Variants in MGAT5B observed in about 807,000 individuals in gnomAD.
The protein encoded by MGAT5B is N-acetylglucosaminyl-transferase Vb.
Under a neutral mutation model 95.1 loss-of-function variants are expected in MGAT5B, and 54 were observed. The ratio of observed to expected loss-of-function variants is 0.57; its 90% CI spans 0.46 to 0.71. The LOEUF (loss-of-function observed/expected upper bound fraction) is 0.71, where lower values mean the gene tolerates loss of function less well. Ranked by LOEUF, MGAT5B falls within the 30% of genes least tolerant of loss-of-function variation. The pLI, the probability that MGAT5B is intolerant of heterozygous loss-of-function variation, is 0.00. For synonymous variants in MGAT5B, 464 were observed against 451.0 expected, an observed-to-expected ratio of 1.03 and a Z score of -0.36; for missense variants, 935 against 1,088.6, an observed-to-expected ratio of 0.86 and a Z score of 1.99.
At chr17:76,922,227 A>T (rs1175561479) in intron 8 of MGAT5B, among the ~76,000 whole-genome samples, 1 of 152,232 alleles carries the variant, frequency 6.6e-6, no homozygotes, top group Non-Finnish European at 1.5e-5. Context: ...TGGTGCAGGT[A>T]GCAGCTCCTA....
At position 76,937,887 on chromosome 17, in the gene MGAT5B, G is replaced by A. The variant is rs1425789794; in HGVS notation, c.1429-101G>A. 5.7e-5 allele frequency: 81 copies of A among 1,430,294 alleles called. 1 individual carries two copies. The South Asian group carries it at 9.1e-4, about 16-fold the overall frequency. The allele number at this position is 1,430,294 out of a possible 1,614,324, so 88.6% of individuals were successfully genotyped here. On this transcript the variant is annotated intron_variant, in intron 12 of 17. Transcript: ENST00000569840. ...GCCAGTTAATGGCCAACCTGAGACT[G>A]GGTCCACATCTTCTGACTTCCAGAC...
intron 3 of MGAT5B, among the ~76,000 whole-genome samples, chr17:76,888,530 G>A (rs1220665682): frequency 1.3e-5 from 2 of 152,158 alleles, no homozygotes. Context: ...CCTAGCCAGC[G>A]GCGGGGAGAT....
intron 3 of MGAT5B, 174 bp downstream of exon 3, chr17:76,882,472 T>C: frequency 1.3e-6 from 1 of 748,628 alleles, no homozygotes; most frequent in Non-Finnish European, 2.0e-6. Flanking sequence ...TAACATTTGG[T>C]CACATTTGTG....
At chr17:76,931,050 G>T (rs1302970730) in intron 10 of MGAT5B, among the ~76,000 whole-genome samples, 4 of 152,218 alleles carry the variant, frequency 2.6e-5, no homozygotes, top group African/African-American at 9.6e-5. Context: ...TGGCACAGAA[G>T]TGAACAAAAC....
rs1968528722 is a variant in MGAT5B, at chr17:76,906,332, TC to T, written c.1025+147del. ...GAGACCCTGGGAGACATCCTGGTGT[TC>T]CGCAGGACATCACCACTCCTAATCC... On this transcript the variant is annotated intron_variant, in intron 8 of 17. Transcript: ENST00000569840. This position sits in a 1 kb window ranked among gnomAD's most constrained non-coding sequence, Gnocchi z 4.6. 1 of 710,126 alleles carries T rather than the reference TC, an allele frequency of 1.4e-6. No homozygotes were observed. The highest frequency in any genetic ancestry group is 2.2e-6 in the Non-Finnish European group (1 of 451,704). The allele number at this position is 710,126 out of a possible 1,614,324, so 44.0% of individuals were successfully genotyped here.
At chr17:76,946,338 CT>C in intron 15 of MGAT5B, 37 bp from the exon 16 acceptor site, 1 of 1,566,576 alleles carries the variant, frequency 6.4e-7, no homozygotes, top group Non-Finnish European at 8.7e-7. Flanking sequence ...ACGGCTGGGC[CT>C]TCTCCCGCCC....
intron 12 of MGAT5B, among the ~76,000 whole-genome samples, chr17:76,936,352 G>A (rs1257744824): frequency 6.6e-6 from 1 of 152,214 alleles, no homozygotes; most frequent in African/African-American, 2.4e-5. Context: ...AGGTTGCAGT[G>A]AGTCGAGATC....
At position 76,949,049 on chromosome 17, in the gene MGAT5B, T is replaced by C; in HGVS notation, c.*211T>C. 1.6e-6 allele frequency: 1 copy of C among 609,476 alleles called. No homozygotes were observed. Among genetic ancestry groups the C allele is most frequent in the Non-Finnish European group, 2.8e-6 (1 of 357,612 alleles). 37.8% of individuals were successfully genotyped at this position (609,476 alleles called of 1,614,324 possible). A position where few individuals can be genotyped will look rare whatever the true frequency, so the allele number is the denominator to read the frequency against. ...AGCCCCTGGGACCTCCCAGGCAGGC[T>C]CCGGTTCTCTCCTGGGGACTCACAG... On this transcript the variant is annotated 3_prime_UTR_variant, in exon 18 of 18. Coordinates refer to ENST00000569840, the MANE Select transcript of MGAT5B (RefSeq NM_001199172.2).
chr17:76,948,503 T>A (rs11870033), intron 17 of MGAT5B, 137 bp from the exon 18 acceptor site: 7 of 941,918 alleles, frequency 7.4e-6, no homozygotes, highest in Non-Finnish European at 1.1e-5. Context: ...CGTAACACAT[T>A]TCCTTACCCA....
intron 12 of MGAT5B, among the ~76,000 whole-genome samples, chr17:76,935,876 AT>A (rs1969644564): frequency 9.7e-6 from 1 of 102,700 alleles, no homozygotes; most frequent in African/African-American, 3.7e-5. Context: ...TACATTATAT[AT>A]ATTATATATT....
In MGAT5B at chr17:76,940,762, T is replaced by G. The variant is rs1343346433; in HGVS notation, c.1762T>G (p.Phe588Val). The G allele has an allele frequency of 1.2e-6, 2 of 1,614,036 alleles. No individual in the cohort carries two copies. The highest frequency in any genetic ancestry group is 1.7e-6 in the Non-Finnish European group (2 of 1,180,032). ...VFSQHPYAEN[F>V]IGKPHVWTVD... ...CTCCCAGCATCCCTACGCGGAGAAC[T>G]TCATCGGCAAGCCCCACGTGTGGAC... Residue 588 changes from phenylalanine to valine, a missense_variant, in exon 15 of 18, where the codon TTC becomes GTC. Transcript: ENST00000569840. This position sits in a 1 kb window ranked among gnomAD's most constrained non-coding sequence, Gnocchi z 4.3.
At position 76,940,043 on chromosome 17, in the gene MGAT5B, G is replaced by A. The variant is rs991982188; in HGVS notation, c.1585-359G>A. On this transcript the variant is annotated intron_variant, in intron 13 of 17. Transcript: ENST00000569840. This position sits in a 1 kb window ranked among gnomAD's most constrained non-coding sequence, Gnocchi z 4.3. ...GTTCCTGGAGGTCTCTTGCAGGTGC[G>A]GGCCTGCAGCTTTCTTGGCCTGAAA... is the stretch of plus-strand genomic sequence containing the variant. Among the ~76,000 whole-genome samples, 4 of 152,076 alleles carry A rather than the reference G, an allele frequency of 2.6e-5. No individual in the cohort carries two copies. The highest frequency in any genetic ancestry group is 4.4e-5 in the Non-Finnish European group (3 of 68,008).
chr17:76,882,111 G>T (rs1417982294), intron 2 of MGAT5B, 40 bp from the exon 3 acceptor site: 3 of 1,560,996 alleles, frequency 1.9e-6, no homozygotes, highest in African/African-American at 1.3e-5. Context: ...CCTCCAGGCT[G>T]CTCGGGCCTC....
rs1328718059 is a variant in MGAT5B, at chr17:76,912,731, G to A, written c.1025+6544G>A. Among the ~76,000 whole-genome samples the A allele has an allele frequency of 2.0e-5, 3 of 152,148 alleles. No individual in the cohort carries two copies. Among genetic ancestry groups the A allele is most frequent in the African/African-American group, 7.2e-5 (3 of 41,434 alleles). ...GCAAGATGCTTCCGGGGTGAGGGAGGTGGCACGAGGGAGCCGTGCGCTCTG... is the reference window on the plus strand; with the variant it reads ...GCAAGATGCTTCCGGGGTGAGGGAGATGGCACGAGGGAGCCGTGCGCTCTG... On this transcript the variant is annotated intron_variant, in intron 8 of 17. Coordinates refer to ENST00000569840, the MANE Select transcript of MGAT5B (RefSeq NM_001199172.2). The surrounding 1 kb of genome is among the most constrained non-coding windows in gnomAD (Gnocchi z 5.0).
Position 76,930,182 on chromosome 17 carries a change from C to T in MGAT5B, c.1292-2463C>T, listed in dbSNP as rs544672217. Among the ~76,000 whole-genome samples, 8 of 152,064 alleles carry T rather than the reference C, an allele frequency of 5.3e-5. No individual in the cohort carries two copies. Among genetic ancestry groups the T allele is most frequent in the African/African-American group, 1.2e-4 (5 of 41,484 alleles). ...CCTCCCAAAGCTCTAGAGGAGAGATCGTTTGGTTCTGTAGTTGAATTTTCA... is the reference window on the plus strand; with the variant it reads ...CCTCCCAAAGCTCTAGAGGAGAGATTGTTTGGTTCTGTAGTTGAATTTTCA... On this transcript the variant is annotated intron_variant, in intron 10 of 17. Coordinates refer to ENST00000569840, the MANE Select transcript of MGAT5B (RefSeq NM_001199172.2). This position sits in a 1 kb window ranked among gnomAD's most constrained non-coding sequence, Gnocchi z 4.1.
At position 76,947,875 on chromosome 17, in the gene MGAT5B, C is replaced by T; in HGVS notation, c.1969C>T (p.Pro657Ser). The T allele has an allele frequency of 6.2e-7, 1 of 1,603,234 alleles. No homozygotes were observed. Among genetic ancestry groups the T allele is most frequent in the Non-Finnish European group, 8.5e-7 (1 of 1,172,214 alleles). ...CCCTGCCCTACCAGAGGCCCACGCC[C>T]CGCAGAGCCCCTTTGTCCTGGCCCC... ...PDPALPEAHA[P>S]QSPFVLAPNA... Residue 657 changes from proline (P) to serine (S), a missense_variant, in exon 17 of 18, where the codon CCG (proline) becomes TCG (serine). Pro to Ser is a moderately conservative substitution (Grantham distance 74). Transcript: ENST00000569840.
Position 76,906,134 on chromosome 17 carries a change from CTA to C in MGAT5B, c.974_975del (p.Tyr325CysfsTer18). ...VQWADILTAL[Y>X]VLGHGLRVTV... Reference sequence around the variant, plus strand: ...AGTGGGCGGACATTCTGACTGCACTCTATGTCCTGGGCCATGGCCTGCGGGTC... The same window carrying C: ...AGTGGGCGGACATTCTGACTGCACTCTGTCCTGGGCCATGGCCTGCGGGTC... On this transcript the variant is annotated frameshift_variant, in exon 8 of 18. Transcript: ENST00000569840. LOFTEE classifies it high-confidence loss of function. This position sits in a 1 kb window ranked among gnomAD's most constrained non-coding sequence, Gnocchi z 4.6. The C allele has an allele frequency of 1.2e-6, 2 of 1,608,318 alleles. No homozygotes were observed. The highest frequency in any genetic ancestry group is 1.7e-6 in the Non-Finnish European group (2 of 1,177,730).
At chr17:76,945,868 A>G (rs908488813) in intron 15 of MGAT5B, among the ~76,000 whole-genome samples, 7 of 152,202 alleles carry the variant, frequency 4.6e-5, no homozygotes, top group East Asian at 1.9e-4. Context: ...CAAGGTGTCC[A>G]TAAGTTTATG....
rs1598897620 is a variant in MGAT5B at position 76,882,244 on chromosome 17, A to G, written c.275A>G (p.Glu92Gly). The G allele has an allele frequency of 6.2e-7, 1 of 1,613,656 alleles. No homozygotes were observed. The highest frequency in any genetic ancestry group is 1.3e-5 in the African/African-American group (1 of 75,066). The change falls in exon 3 of 18, where the codon GAG becomes GGG. Residue 92 changes from glutamate (E) to glycine (G), a missense_variant. This residue lies in a region of MGAT5B where 243 missense variants were observed against 228.2 expected (regional missense o/e 1.06). Transcript: ENST00000569840. ...CGCATGGACGCACTGGCCAGGCTGG[A>G]GAACAGCAGTGAGCTGCACCGGGCC... ...VKRMDALARL[E>G]NSSELHRAGG...
Sources: allele counts gnomAD v4.1 joint callset (sites outside exome capture counted in the v4.1 genomes callset), GRCh38; gene constraint gnomAD v4.1.1; regional missense constraint gnomAD v4.1.1; non-coding constraint Gnocchi (gnomAD v3.1); transcripts MANE v1.5; gene names NCBI Gene and HGNC (gene_info 2026-07-23, HGNC 2026-07-21).